Variants in NRXN1 observed in about 807,000 individuals in gnomAD.
NRXN1 encodes the protein neurexin-1.
In NRXN1, 39 loss-of-function variants were observed where a neutral mutation model predicts 150.9. That is an observed-to-expected ratio of 0.26 (90% CI 0.20 to 0.34). NRXN1 has a LOEUF of 0.34. Ranked by LOEUF, NRXN1 falls within the 10% of genes least tolerant of loss-of-function variation. NRXN1 has a pLI of 1.00. For missense variants in NRXN1, 1,815 were observed against 1,949.9 expected, an observed-to-expected ratio of 0.93 and a Z score of 1.30; for synonymous variants, 924 against 757.0, an observed-to-expected ratio of 1.22 and a Z score of -3.62.
rs535408841 is a variant in NRXN1, at chr2:50,854,380, T to C, written c.832+67489A>G. On this transcript the variant is annotated intron_variant, in intron 5 of 22. Transcript: ENST00000401669. ...CCAAATGCTAAAATCCACAGAACAG[T>C]GCAAGGAAAAAATACTAGTAAAACC... 7.2e-5 allele frequency among the ~76,000 whole-genome samples: 11 copies of C among 152,150 alleles called. No homozygotes were observed. The East Asian group carries it at 1.5e-3, about 21-fold the overall frequency.
At chr2:50,639,202 T>G (rs12713119) in intron 5 of NRXN1, among the ~76,000 whole-genome samples, 1 of 127,888 alleles carries the variant, frequency 7.8e-6, no homozygotes, top group African/African-American at 2.8e-5. Flanking sequence ...TTTATCATTT[T>G]TTTCTTTCTT....
intron 17 of NRXN1, among the ~76,000 whole-genome samples, chr2:50,390,684 G>A (rs894388675): frequency 3.9e-5 from 6 of 152,000 alleles, no homozygotes; most frequent in African/African-American, 1.5e-4. Flanking sequence ...CATTAGTATA[G>A]GAGTGGGTTT....
At position 51,028,295 on chromosome 2, in the gene NRXN1, G is replaced by T. The variant is rs1057520336; in HGVS notation, c.-22C>A. ...CCATGCTCGGGGCTGGGGTGCGGCG[G>T]GGGGGTGCCGGGGCCGACAGGGTCA... On this transcript the variant is annotated 5_prime_UTR_variant, in exon 2 of 23. Coordinates refer to ENST00000401669, the MANE Select transcript of NRXN1 (RefSeq NM_001330078.2). The T allele has an allele frequency of 2.8e-6, 4 of 1,411,292 alleles. No individual in the cohort carries two copies. Among genetic ancestry groups the T allele is most frequent in the South Asian group, 1.6e-5 (1 of 63,560 alleles). 87.4% of individuals were successfully genotyped at this position (1,411,292 alleles called of 1,614,324 possible).
At chr2:50,725,827 C>G (rs1177968486) in intron 5 of NRXN1, among the ~76,000 whole-genome samples, 1 of 152,088 alleles carries the variant, frequency 6.6e-6, no homozygotes, top group Non-Finnish European at 1.5e-5. Context: ...AAGTCTCATA[C>G]AGACCTAAGC....
intron 18 of NRXN1, among the ~76,000 whole-genome samples, chr2:50,193,938 T>C (rs1043426051): frequency 3.9e-5 from 6 of 152,178 alleles, no homozygotes; most frequent in Admixed American, 3.9e-4. Context: ...TACACTACTA[T>C]TACTCCTTAC....
chr2:50,153,168 C>G (rs1310191069), intron 18 of NRXN1, among the ~76,000 whole-genome samples: 1 of 151,586 alleles, frequency 6.6e-6, no homozygotes, highest in Non-Finnish European at 1.5e-5. Flanking sequence ...TTTTTCAGCT[C>G]TAGAACTTGT....
intron 5 of NRXN1, among the ~76,000 whole-genome samples, chr2:50,814,993 T>C (rs1668722590): frequency 6.6e-6 from 1 of 152,120 alleles, no homozygotes; most frequent in Non-Finnish European, 1.5e-5. Context: ...TTCTTAGAAC[T>C]ATGTCATAGA....
At chr2:50,077,848 G>T (rs1463505796) in intron 19 of NRXN1, among the ~76,000 whole-genome samples, 5 of 152,004 alleles carry the variant, frequency 3.3e-5, no homozygotes, top group Non-Finnish European at 7.4e-5. Context: ...ATATGCCCAA[G>T]ATGACAAATT....
intron 17 of NRXN1, among the ~76,000 whole-genome samples, chr2:50,442,228 T>G (rs955324361): frequency 1.3e-5 from 2 of 152,188 alleles, no homozygotes. Flanking sequence ...ATAATACTAG[T>G]GCCTGTAAAA....
At chr2:50,795,367 G>GT (rs1275539944) in intron 5 of NRXN1, among the ~76,000 whole-genome samples, 2 of 152,070 alleles carry the variant, frequency 1.3e-5, no homozygotes, top group African/African-American at 4.8e-5. Flanking sequence ...CTTAACCACT[G>GT]TGTCAGCGGC....
rs2077568083 is a variant in NRXN1, at chr2:50,341,817, G to A, written c.3365-104847C>T. On this transcript the variant is annotated intron_variant, in intron 17 of 22. Coordinates refer to ENST00000401669, the MANE Select transcript of NRXN1 (RefSeq NM_001330078.2). ...ATAATGAAGGGCAATAGAAAGTGGT[G>A]TAGATAAAATTTACTATTTTGATGT... Among the ~76,000 whole-genome samples, 4 of 152,326 alleles carry A rather than the reference G, an allele frequency of 2.6e-5. No homozygotes were observed. The South Asian group carries it at 6.2e-4, about 24-fold the overall frequency.
At chr2:50,848,170 T>C (rs1175683371) in intron 5 of NRXN1, among the ~76,000 whole-genome samples, 2 of 152,080 alleles carry the variant, frequency 1.3e-5, no homozygotes, top group Non-Finnish European at 2.9e-5. Flanking sequence ...CCCCACAGCC[T>C]GCCAGTCTTT....
chr2:50,532,533 C>T (rs2093145077), intron 10 of NRXN1, among the ~76,000 whole-genome samples: 1 of 152,066 alleles, frequency 6.6e-6, no homozygotes, highest in Non-Finnish European at 1.5e-5. Flanking sequence ...ACTGTTACTT[C>T]CTTTTAAGAT....
At chr2:50,610,545 T>C (rs961094780) in intron 8 of NRXN1, among the ~76,000 whole-genome samples, 2 of 148,986 alleles carry the variant, frequency 1.3e-5, no homozygotes, top group African/African-American at 2.5e-5. Context: ...CTATACTTAT[T>C]TGCCCAACTC....
intron 2 of NRXN1, among the ~76,000 whole-genome samples, chr2:50,961,522 C>G (rs908974636): frequency 2.0e-5 from 3 of 151,574 alleles, no homozygotes; most frequent in African/African-American, 4.8e-5. Flanking sequence ...AAAAACCCAA[C>G]CAGATGCTAG....
chr2:49,974,180 A>T (rs1678498059), intron 21 of NRXN1: 2 of 708,748 alleles, frequency 2.8e-6, no homozygotes, highest in African/African-American at 1.8e-5. Context: ...CTGCACACAG[A>T]TGGGCGAGAA....
intron 10 of NRXN1, among the ~76,000 whole-genome samples, chr2:50,533,365 G>A (rs6750634): frequency 0.28 from 42,823 of 151,984 alleles, 6,527 homozygotes; most frequent in East Asian, 0.5. Flanking sequence ...TTAAACTCTT[G>A]ATTTACTCCC....
chr2:50,510,641 ATTAT>A (rs1188901161), intron 12 of NRXN1, among the ~76,000 whole-genome samples: 1 of 152,058 alleles, frequency 6.6e-6, no homozygotes, highest in African/African-American at 2.4e-5. Context: ...ACTGTAACAT[ATTAT>A]TTAAGCCAGA....
intron 5 of NRXN1, among the ~76,000 whole-genome samples, chr2:50,913,341 T>C (rs957611124): frequency 6.6e-6 from 1 of 151,870 alleles, no homozygotes; most frequent in East Asian, 2.0e-4. Flanking sequence ...AGCAGCAGTT[T>C]AGCCCAATCT....
Sources: gnomAD v4.1 joint callset for allele counts (sites outside exome capture counted in the v4.1 genomes callset) on GRCh38, gnomAD v4.1.1 for gene constraint, MANE v1.5 for transcripts, NCBI Gene and HGNC (gene_info 2026-07-23, HGNC 2026-07-21) for gene names.